Variants in PTPRD observed in about 807,000 individuals in gnomAD.
PTPRD encodes receptor-type tyrosine-protein phosphatase delta.
In PTPRD, 34 loss-of-function variants were observed where a neutral mutation model predicts 214.5. The observed-to-expected ratio is 0.16, with a 90% confidence interval of 0.12 to 0.21. PTPRD has a LOEUF of 0.21. Among genes scored for constraint, PTPRD ranks in the 10% least tolerant of loss-of-function variants. The pLI, the probability that PTPRD is intolerant of heterozygous loss-of-function variation, is 1.00. For synonymous variants in PTPRD, 1,128 were observed against 845.7 expected, an observed-to-expected ratio of 1.33 and a Z score of -5.79; for missense variants, 2,545 against 2,398.7, an observed-to-expected ratio of 1.06 and a Z score of -1.27.
chr9:9,967,069 A>G (rs957292149), intron 4 of PTPRD, among the ~76,000 whole-genome samples: 3 of 152,254 alleles, frequency 2.0e-5, no homozygotes, highest in Middle Eastern at 3.4e-3. Flanking sequence ...AATGGCTGAG[A>G]ACTTCACCAG....
intron 10 of PTPRD, among the ~76,000 whole-genome samples, chr9:9,112,510 CTCTT>C (rs2099807473): frequency 1.3e-5 from 2 of 152,128 alleles, no homozygotes; most frequent in Admixed American, 1.3e-4. Flanking sequence ...TGAGAAAATT[CTCTT>C]TCTTAGAAGT....
chr9:8,852,647 G>T (rs1001693250), intron 11 of PTPRD, among the ~76,000 whole-genome samples: 3 of 152,154 alleles, frequency 2.0e-5, no homozygotes, highest in Non-Finnish European at 4.4e-5. Flanking sequence ...CAGACAGAAT[G>T]AGCTGTCTTA....
rs530474747 is a variant in PTPRD at position 10,295,414 on chromosome 9, C to A, written c.-545+45549G>T. Among the ~76,000 whole-genome samples, 3 of 152,116 alleles carry A rather than the reference C, an allele frequency of 2.0e-5. No individual in the cohort carries two copies. The South Asian group carries it at 6.2e-4, about 32-fold the overall frequency. ...AGAAATTACCAAGAATATCAACTAC[C>A]ATCATTGTTAGAGAAGTAGTTGTTC... On this transcript the variant is annotated intron_variant, in intron 3 of 45. Transcript: ENST00000381196.
At chr9:8,696,510 G>C (rs572016756) in intron 12 of PTPRD, among the ~76,000 whole-genome samples, 16 of 152,254 alleles carry the variant, frequency 1.1e-4, no homozygotes, top group Non-Finnish European at 2.1e-4. Context: ...AGATAAACTT[G>C]GTGATTAGCA....
chr9:8,644,497 C>A (rs2096645273), intron 12 of PTPRD, among the ~76,000 whole-genome samples: 1 of 152,188 alleles, frequency 6.6e-6, no homozygotes, highest in Admixed American at 6.5e-5. Flanking sequence ...GAAACATGCC[C>A]CTTGCTCACC....
intron 2 of PTPRD, among the ~76,000 whole-genome samples, chr9:10,445,182 G>A (rs78939612): frequency 0.072 from 10,919 of 152,100 alleles, 823 homozygotes; most frequent in East Asian, 0.43. Flanking sequence ...TGCACTTACA[G>A]GAGGAACTAA....
At chr9:9,428,606 C>A (rs1299510889) in intron 8 of PTPRD, among the ~76,000 whole-genome samples, 1 of 152,166 alleles carries the variant, frequency 6.6e-6, no homozygotes, top group African/African-American at 2.4e-5. Context: ...ATACATTCTT[C>A]TCAGCACCAT....
chr9:9,450,360 T>C (rs893445652), intron 8 of PTPRD, among the ~76,000 whole-genome samples: 3 of 152,002 alleles, frequency 2.0e-5, no homozygotes, highest in African/African-American at 7.2e-5. Context: ...TCCACAGTGG[T>C]TGTACTAGCA....
chr9:10,566,228 T>C (rs2065565341), intron 2 of PTPRD, among the ~76,000 whole-genome samples: 1 of 152,054 alleles, frequency 6.6e-6, no homozygotes, highest in African/African-American at 2.4e-5. Context: ...AATGCTTCTG[T>C]ATATATTCAT....
At chr9:10,426,431 A>T (rs1484036881) in intron 2 of PTPRD, among the ~76,000 whole-genome samples, 3 of 152,026 alleles carry the variant, frequency 2.0e-5, no homozygotes, top group Non-Finnish European at 4.4e-5. Context: ...AATTCTACAT[A>T]ATTTTTCTAA....
chr9:10,248,798 T>G (rs976174542), intron 3 of PTPRD, among the ~76,000 whole-genome samples: 1 of 152,108 alleles, frequency 6.6e-6, no homozygotes, highest in African/African-American at 2.4e-5. Context: ...AAAAATCTTG[T>G]GTCATCCACT....
Position 9,972,016 on chromosome 9 carries a change from TAA to T in PTPRD, c.-471-33408_-471-33407del, listed in dbSNP as rs376198645. ...AAAATATATATTAAGTTCTTCACTT[TAA>T]AAAGTTTTTCTTCATCTGAATGAAT... On this transcript the variant is annotated intron_variant, in intron 4 of 45. Transcript: ENST00000381196. 2.5e-3 allele frequency among the ~76,000 whole-genome samples: 379 copies of T among 152,334 alleles called. 2 individuals carry two copies. The highest frequency in any genetic ancestry group is 8.7e-3 in the African/African-American group (360 of 41,578).
chr9:9,430,814 G>A lies in PTPRD; in HGVS notation c.-236-33332C>T, dbSNP rs556514728. Among the ~76,000 whole-genome samples the A allele has an allele frequency of 7.4e-4, 112 of 152,192 alleles. 1 individual carries two copies. Among genetic ancestry groups the A allele is most frequent in the African/African-American group, 2.6e-3 (106 of 41,548 alleles). On this transcript the variant is annotated intron_variant, in intron 8 of 45. Coordinates refer to ENST00000381196, the MANE Select transcript of PTPRD (RefSeq NM_002839.4). ...ACAAGAAATGGGGAAAGGAATCCCT[G>A]TTTAATAAATGGTTCTGGGAAAACT...
chr9:9,997,582 C>T (rs1463379508), intron 4 of PTPRD, among the ~76,000 whole-genome samples: 2 of 152,088 alleles, frequency 1.3e-5, no homozygotes, highest in African/African-American at 4.8e-5. Flanking sequence ...AGCCACCGTG[C>T]CTGGCCAACA....
chr9:9,692,518 T>C (rs2097292203), intron 7 of PTPRD, among the ~76,000 whole-genome samples: 1 of 152,118 alleles, frequency 6.6e-6, no homozygotes, highest in African/African-American at 2.4e-5. Flanking sequence ...TATGCTGTTT[T>C]GGTTGCTATA....
chr9:9,152,886 C>T (rs1464707187), intron 10 of PTPRD, among the ~76,000 whole-genome samples: 1 of 152,196 alleles, frequency 6.6e-6, no homozygotes, highest in Admixed American at 6.5e-5. Flanking sequence ...GAGAGGGGCA[C>T]ACATTTACTT....
intron 21 of PTPRD, among the ~76,000 whole-genome samples, chr9:8,511,431 A>ATT (rs33920439): frequency 2.7e-5 from 4 of 146,912 alleles, no homozygotes; most frequent in African/African-American, 9.9e-5. Context: ...TCTCACTGGT[A>ATT]TTTTTTTTTT....
At chr9:8,669,643 G>C (rs1021145906) in intron 12 of PTPRD, among the ~76,000 whole-genome samples, 1 of 152,190 alleles carries the variant, frequency 6.6e-6, no homozygotes, top group Non-Finnish European at 1.5e-5. Flanking sequence ...GTTTCAAAGA[G>C]AGACAAGGAC....
chr9:8,342,328 A>C (rs1853236522), intron 39 of PTPRD, among the ~76,000 whole-genome samples: 1 of 152,108 alleles, frequency 6.6e-6, no homozygotes. Flanking sequence ...CATATTTAGA[A>C]GATAGTTTTA....
Sources: gnomAD v4.1 joint callset for allele counts (sites outside exome capture counted in the v4.1 genomes callset) on GRCh38, gnomAD v4.1.1 for gene constraint, MANE v1.5 for transcripts, NCBI Gene and HGNC (gene_info 2026-07-23, HGNC 2026-07-21) for gene names.